Variants in SLC25A17 observed in about 807,000 individuals in gnomAD.
SLC25A17 encodes peroxisomal membrane protein PMP34.
SLC25A17 carries 26 observed loss-of-function variants against 38.5 expected under a neutral mutation model. That is an observed-to-expected ratio of 0.68 (90% CI 0.50 to 0.94). The LOEUF (loss-of-function observed/expected upper bound fraction) is 0.94. SLC25A17 is among the 40% of genes least tolerant of loss of function. The pLI, the probability that SLC25A17 is intolerant of heterozygous loss-of-function variation, is 0.00. For missense variants in SLC25A17, 333 were observed against 372.7 expected, an observed-to-expected ratio of 0.89 and a Z score of 0.88; for synonymous variants, 139 against 136.2, an observed-to-expected ratio of 1.02 and a Z score of -0.14.
intron 1 of SLC25A17, among the ~76,000 whole-genome samples, chr22:40,817,888 G>C (rs1292272446): frequency 6.6e-6 from 1 of 152,138 alleles, no homozygotes; most frequent in Non-Finnish European, 1.5e-5. Flanking sequence ...AGCAAGTCAC[G>C]CAAGCGTCCA....
intron 5 of SLC25A17, among the ~76,000 whole-genome samples, chr22:40,778,274 C>T: frequency 6.6e-6 from 1 of 152,224 alleles, no homozygotes. Flanking sequence ...GCATACTTCT[C>T]TACCCCTTGT....
At chr22:40,812,634 G>A (rs1245345968) in intron 1 of SLC25A17, among the ~76,000 whole-genome samples, 1 of 152,136 alleles carries the variant, frequency 6.6e-6, no homozygotes, top group Non-Finnish European at 1.5e-5. Context: ...GAGGGGTCCC[G>A]ACGTGGCTGA....
rs188558878 is a variant in SLC25A17 at position 40,789,418 on chromosome 22, T to C, written c.334+3107A>G. Among the ~76,000 whole-genome samples the C allele has an allele frequency of 1.3e-5, 2 of 152,312 alleles. No individual in the cohort carries two copies. Among genetic ancestry groups the C allele is most frequent in the East Asian group, 3.9e-4 (2 of 5,182 alleles). On this transcript the variant is annotated intron_variant, in intron 4 of 8. Transcript: ENST00000435456. This position sits in a 1 kb window ranked among gnomAD's most constrained non-coding sequence, Gnocchi z 4.5. ...GATGCCGATGACACGCCACGGAGGA[T>C]CCCTGATGCCAGCGACTCAGGAGCT...
chr22:40,816,198 C>CAA (rs566246442), intron 1 of SLC25A17, among the ~76,000 whole-genome samples: 5 of 81,900 alleles, frequency 6.1e-5, no homozygotes, highest in African/African-American at 2.1e-4. Context: ...AACTCCATCT[C>CAA]AAAAAAAAAA....
intron 1 of SLC25A17, among the ~76,000 whole-genome samples, chr22:40,812,408 A>C (rs2057591662): frequency 6.6e-6 from 1 of 152,230 alleles, no homozygotes; most frequent in Non-Finnish European, 1.5e-5. Context: ...TGGTCCCCCC[A>C]GCGTGTGCAA....
intron 1 of SLC25A17, among the ~76,000 whole-genome samples, chr22:40,813,416 T>G (rs565498559): frequency 6.6e-6 from 1 of 152,084 alleles, no homozygotes; most frequent in East Asian, 1.9e-4. Context: ...CACACACCTG[T>G]AGTCCCAGGT....
At chr22:40,804,003 A>T (rs1335736793) in intron 1 of SLC25A17, among the ~76,000 whole-genome samples, 1 of 151,928 alleles carries the variant, frequency 6.6e-6, no homozygotes, top group Non-Finnish European at 1.5e-5. Flanking sequence ...GAGAGTTTTG[A>T]TGTGAATAAC....
Position 40,784,539 on chromosome 22 carries a change from G to A in SLC25A17, c.335-5414C>T, listed in dbSNP as rs562466138. ...TGTAATCCTAGCACTTTGGAAGGTC[G>A]AGGCAGAAGAATCTCTTGAGGCCAG... On this transcript the variant is annotated intron_variant, in intron 4 of 8. Transcript: ENST00000435456. The A allele has an allele frequency of 7.1e-5, 19 of 267,524 alleles. No homozygotes were observed. In the East Asian group the frequency reaches 1.8e-3, roughly 25 times the overall value. 16.6% of individuals were successfully genotyped at this position (267,524 alleles called of 1,614,324 possible). A position where few individuals can be genotyped will look rare whatever the true frequency, so the allele number is the denominator to read the frequency against.
chr22:40,792,667 T>A lies in SLC25A17; in HGVS notation c.192A>T (p.Pro64=), dbSNP rs773322486. The A allele has an allele frequency of 6.2e-7, 1 of 1,614,028 alleles. No individual in the cohort carries two copies. Among genetic ancestry groups the A allele is most frequent in the Non-Finnish European group, 8.5e-7 (1 of 1,179,948 alleles). The change falls in exon 4 of 9, where the codon CCA becomes CCT. Residue 64 remains proline, a synonymous_variant. Coordinates refer to ENST00000435456, the MANE Select transcript of SLC25A17 (RefSeq NM_006358.4). The part of the protein sequence containing the change: ...EIIKEEGLLA[P]YRGWFPVISS... ...AAATCACTGGAAACCACCCTCGATA[T>A]GGTGCCAGGCTAGGGGAAAAACACA...
chr22:40,773,410 C>CAAA (rs59479764), intron 8 of SLC25A17, among the ~76,000 whole-genome samples: 970 of 74,300 alleles, frequency 0.013, 28 homozygotes, highest in African/African-American at 0.047. Context: ...ACTCTGTCTC[C>CAAA]AAAAAAAAAA....
intron 1 of SLC25A17, among the ~76,000 whole-genome samples, chr22:40,814,907 C>A (rs1249311881): frequency 6.6e-6 from 1 of 151,886 alleles, no homozygotes; most frequent in Non-Finnish European, 1.5e-5. Flanking sequence ...GCAAGCTCCA[C>A]CTCCCGGGTT....
At chr22:40,797,665 A>G (rs1201525691) in intron 2 of SLC25A17, among the ~76,000 whole-genome samples, 1 of 152,252 alleles carries the variant, frequency 6.6e-6, no homozygotes, top group African/African-American at 2.4e-5. Context: ...GATATCTTCT[A>G]GAAAGAAAAG....
At chr22:40,811,366 C>T (rs2145706384) in intron 1 of SLC25A17, among the ~76,000 whole-genome samples, 1 of 151,850 alleles carries the variant, frequency 6.6e-6, no homozygotes, top group East Asian at 1.9e-4. Context: ...GCTGGGATTA[C>T]AGGAGTGAGT....
chr22:40,812,350 C>T (rs1335367491), intron 1 of SLC25A17, among the ~76,000 whole-genome samples: 2 of 152,116 alleles, frequency 1.3e-5, no homozygotes, highest in Non-Finnish European at 2.9e-5. Context: ...TGAAGTTGGG[C>T]TTACAGATAG....
intron 4 of SLC25A17, chr22:40,788,697 TTAAAA>T (rs1287891934): frequency 1.4e-5 from 3 of 215,220 alleles, no homozygotes; most frequent in Non-Finnish European, 2.9e-5. Context: ...TCTCAAAAAC[TTAAAA>T]TAAAATAAAA....
At chr22:40,775,710 G>T (rs1442497276) in intron 7 of SLC25A17, among the ~76,000 whole-genome samples, 3 of 151,692 alleles carry the variant, frequency 2.0e-5, no homozygotes, top group African/African-American at 4.8e-5. Context: ...TGATCCACCC[G>T]CCTCGGCCTC....
intron 4 of SLC25A17, among the ~76,000 whole-genome samples, chr22:40,792,003 T>A (rs540226621): frequency 9.3e-4 from 142 of 152,230 alleles, no homozygotes; most frequent in African/African-American, 3.3e-3. Flanking sequence ...AACAGATGAA[T>A]GGATAAACAG....
At chr22:40,793,647 T>C (rs1309507874) in intron 3 of SLC25A17, among the ~76,000 whole-genome samples, 2 of 152,002 alleles carry the variant, frequency 1.3e-5, no homozygotes, top group African/African-American at 4.8e-5. Flanking sequence ...AGTTTTGCTC[T>C]TGTTGCCCAG....
intron 1 of SLC25A17, among the ~76,000 whole-genome samples, chr22:40,806,117 GC>G (rs1486397926): frequency 2.6e-5 from 4 of 152,146 alleles, no homozygotes; most frequent in Admixed American, 2.0e-4. Context: ...ATCATATTTT[GC>G]CAGAAACCCA....
Sources: allele counts gnomAD v4.1 joint callset (sites outside exome capture counted in the v4.1 genomes callset), GRCh38; gene constraint gnomAD v4.1.1; non-coding constraint Gnocchi (gnomAD v3.1); transcripts MANE v1.5; gene names NCBI Gene and HGNC (gene_info 2026-07-23, HGNC 2026-07-21).